GRM8: variants seen among roughly 807,000 people sequenced by gnomAD.
GRM8 encodes metabotropic glutamate receptor 8.
A neutral mutation model predicts 87.2 loss-of-function variants in GRM8; 47 were observed. The observed-to-expected ratio is 0.54, with a 90% confidence interval of 0.43 to 0.69. GRM8 has a LOEUF of 0.69. GRM8 is among the 30% of genes least tolerant of loss of function. GRM8 has a pLI of 0.00. For missense variants in GRM8, 1,019 were observed against 1,139.2 expected (o/e 0.89, Z 1.52); for synonymous variants, 396 against 404.5 (o/e 0.98, Z 0.25).
intron 3 of GRM8, among the ~76,000 whole-genome samples, chr7:126,914,708 A>G (rs886424357): frequency 5.9e-5 from 9 of 152,214 alleles, no homozygotes; most frequent in Admixed American, 2.6e-4. Context: ...TATAAGTGTG[A>G]GCTAAATCTT....
At chr7:127,108,138 G>T (rs1221939292) in intron 2 of GRM8, among the ~76,000 whole-genome samples, 1 of 152,080 alleles carries the variant, frequency 6.6e-6, no homozygotes, top group Non-Finnish European at 1.5e-5. Context: ...TTCTCTGCCA[G>T]ATATACTGAC....
intron 3 of GRM8, chr7:127,095,929 A>C (rs1197899900): frequency 6.6e-6 from 1 of 152,222 alleles, no homozygotes; most frequent in Non-Finnish European, 1.5e-5. Context: ...TGACACATGC[A>C]CTATAAATGC....
chr7:127,233,536 G>A (rs548264508), intron 2 of GRM8, among the ~76,000 whole-genome samples: 1 of 152,284 alleles, frequency 6.6e-6, no homozygotes, highest in South Asian at 2.1e-4. Flanking sequence ...AAAGCTAGAG[G>A]TCACTCTCAA....
chr7:127,012,919 T>C (rs1815040174), intron 3 of GRM8, among the ~76,000 whole-genome samples: 1 of 152,142 alleles, frequency 6.6e-6, no homozygotes, highest in South Asian at 2.1e-4. Flanking sequence ...TTAGTCCTAC[T>C]GCAGCCTTCT....
chr7:127,203,566 G>C (rs980506621), intron 2 of GRM8, among the ~76,000 whole-genome samples: 5 of 152,116 alleles, frequency 3.3e-5, no homozygotes, highest in Non-Finnish European at 7.4e-5. Flanking sequence ...AAATTAGCCA[G>C]GGATGGTGGT....
At chr7:127,114,046 T>C (rs191341725) in intron 2 of GRM8, among the ~76,000 whole-genome samples, 147 of 152,192 alleles carry the variant, frequency 9.7e-4, no homozygotes, top group Non-Finnish European at 1.6e-3. Flanking sequence ...AAAAAGAAGA[T>C]GGATGACTAC....
chr7:126,549,223 C>CAGCTGTT (rs1434700683), intron 8 of GRM8, among the ~76,000 whole-genome samples: 1 of 151,784 alleles, frequency 6.6e-6, no homozygotes, highest in Non-Finnish European at 1.5e-5. Flanking sequence ...GAAATCCAAA[C>CAGCTGTT]AGCTGTTATA....
intron 9 of GRM8, among the ~76,000 whole-genome samples, chr7:126,456,040 G>C (rs1052135541): frequency 3.3e-5 from 5 of 151,426 alleles, no homozygotes; most frequent in Admixed American, 3.3e-4. Context: ...ATTCATATAA[G>C]CTAACATTTT....
At chr7:126,723,554 CCA>C (rs1491344916) in intron 7 of GRM8, among the ~76,000 whole-genome samples, 2 of 110,052 alleles carry the variant, frequency 1.8e-5, no homozygotes, top group African/African-American at 9.5e-5. Flanking sequence ...CAGAGGCGAA[CCA>C]AAAAAAAAAA....
At chr7:127,225,485 G>GAA (rs11325479) in intron 2 of GRM8, among the ~76,000 whole-genome samples, 106 of 143,336 alleles carry the variant, frequency 7.4e-4, no homozygotes, top group Non-Finnish European at 1.1e-3. Context: ...CTATCTGCTG[G>GAA]AAAAAAAAAA....
At chr7:126,844,564 G>T (rs1347081437) in intron 6 of GRM8, among the ~76,000 whole-genome samples, 1 of 152,126 alleles carries the variant, frequency 6.6e-6, no homozygotes, top group South Asian at 2.1e-4. Flanking sequence ...TTAGTCACTT[G>T]CTGTCTGTTT....
At chr7:126,806,872 G>A (rs1166736881) in intron 6 of GRM8, among the ~76,000 whole-genome samples, 2 of 152,170 alleles carry the variant, frequency 1.3e-5, no homozygotes, top group African/African-American at 4.8e-5. Context: ...GCTCCCACCC[G>A]CGCGTCTCCC....
At chr7:127,096,558 TAA>T (rs11315693) in intron 3 of GRM8, among the ~76,000 whole-genome samples, 50 of 140,348 alleles carry the variant, frequency 3.6e-4, no homozygotes, top group Non-Finnish European at 3.4e-4. Flanking sequence ...AGACTGGGTC[TAA>T]AAAAAAAAAA....
intron 6 of GRM8, among the ~76,000 whole-genome samples, chr7:126,789,274 A>C (rs1398550435): frequency 6.6e-6 from 1 of 151,848 alleles, no homozygotes; most frequent in Non-Finnish European, 1.5e-5. Context: ...CAGAGTAATT[A>C]CTATTCTGTG....
chr7:127,231,274 G>A (rs1797671910), intron 2 of GRM8, among the ~76,000 whole-genome samples: 1 of 152,060 alleles, frequency 6.6e-6, no homozygotes, highest in Admixed American at 6.5e-5. Flanking sequence ...AGCACTTACT[G>A]GGTTTAGAAG....
chr7:126,712,519 G>A lies in GRM8; in HGVS notation c.1357+57346C>T, dbSNP rs115884319. Among the ~76,000 whole-genome samples the A allele has an allele frequency of 2.7e-3, 410 of 152,254 alleles. 1 individual carries two copies. Among genetic ancestry groups the A allele is most frequent in the African/African-American group, 7.4e-3 (308 of 41,552 alleles). On this transcript the variant is annotated intron_variant, in intron 7 of 10. Transcript: ENST00000339582. Reference sequence around the variant, plus strand: ...TAGAGTTCTCACAAAAATGCAATTTGTAAGAAACACAGTACCTGTGAGGCG... The same window carrying A: ...TAGAGTTCTCACAAAAATGCAATTTATAAGAAACACAGTACCTGTGAGGCG...
chr7:126,448,278 A>C (rs1325693946), intron 9 of GRM8, among the ~76,000 whole-genome samples: 1 of 151,942 alleles, frequency 6.6e-6, no homozygotes, highest in East Asian at 1.9e-4. Context: ...ACGACGAAAC[A>C]GCCATAAAAT....
At chr7:126,718,274 A>G (rs1811979421) in intron 7 of GRM8, among the ~76,000 whole-genome samples, 2 of 151,674 alleles carry the variant, frequency 1.3e-5, no homozygotes, top group South Asian at 4.2e-4. Context: ...TTTTTTCTCT[A>G]TTTACTCAGT....
At chr7:126,733,394 C>G (rs1183675193) in intron 7 of GRM8, among the ~76,000 whole-genome samples, 1 of 149,154 alleles carries the variant, frequency 6.7e-6, no homozygotes, top group African/African-American at 2.5e-5. Context: ...TTATGTCAGG[C>G]TATATGTTTG....
Sources: gnomAD v4.1 joint callset for allele counts (sites outside exome capture counted in the v4.1 genomes callset) on GRCh38, gnomAD v4.1.1 for gene constraint, MANE v1.5 for transcripts, NCBI Gene and HGNC (gene_info 2026-07-23, HGNC 2026-07-21) for gene names.